The following RNF220 variants were observed in gnomAD, a reference collection of about 807,000 sequenced individuals.
The protein encoded by RNF220 is ring finger protein 220.
A neutral mutation model predicts 67.1 loss-of-function variants in RNF220; 7 were observed. The observed-to-expected ratio is 0.10, with a 90% CI of 0.06 to 0.20. The LOEUF (loss-of-function observed/expected upper bound fraction) is 0.20, where lower values mean the gene tolerates loss of function less well. Ranked by LOEUF, RNF220 falls within the 10% of genes least tolerant of loss-of-function variation. The probability of loss-of-function intolerance (pLI) is 1.00; values close to 1 mark genes in which losing one functional copy is unlikely to be tolerated. For missense variants in RNF220, 565 were observed against 740.3 expected, an observed-to-expected ratio of 0.76 and a Z score of 2.75; for synonymous variants, 270 against 283.2, an observed-to-expected ratio of 0.95 and a Z score of 0.47.
At chr1:44,414,421 T>C (rs1648316491) in intron 2 of RNF220, among the ~76,000 whole-genome samples, 1 of 152,222 alleles carries the variant, frequency 6.6e-6, no homozygotes, top group South Asian at 2.1e-4. Context: ...TTGAGATCTC[T>C]TTCTTCTTAC....
chr1:44,578,725 T>A (rs1665010945), intron 2 of RNF220, among the ~76,000 whole-genome samples: 1 of 152,192 alleles, frequency 6.6e-6, no homozygotes, highest in Admixed American at 6.5e-5. Flanking sequence ...CAGACCCTGA[T>A]AGTTTGCCAA....
At chr1:44,413,154 T>C (rs1648153621) in intron 2 of RNF220, among the ~76,000 whole-genome samples, 2 of 152,204 alleles carry the variant, frequency 1.3e-5, no homozygotes, top group Admixed American at 1.3e-4. Flanking sequence ...AGCTTTTCCA[T>C]TGTATCACAT....
chr1:44,530,552 A>G (rs1660762679), intron 2 of RNF220, among the ~76,000 whole-genome samples: 1 of 152,084 alleles, frequency 6.6e-6, no homozygotes, highest in South Asian at 2.1e-4. Flanking sequence ...AAAAAAGCAT[A>G]AAAAGAATTA....
At chr1:44,428,208 C>G (rs1002478490) in intron 2 of RNF220, among the ~76,000 whole-genome samples, 9 of 152,096 alleles carry the variant, frequency 5.9e-5, no homozygotes, top group African/African-American at 2.2e-4. Flanking sequence ...GGACAGTAAG[C>G]CAGAAGGAAT....
rs1666816916 is a variant in RNF220, at chr1:44,600,141, G to A, written c.626-14024G>A. Among the ~76,000 whole-genome samples the A allele has an allele frequency of 6.6e-6, 1 of 152,192 alleles. No homozygotes were observed. The highest frequency in any genetic ancestry group is 6.5e-5 in the Admixed American group (1 of 15,282). On this transcript the variant is annotated intron_variant, in intron 2 of 14. Coordinates refer to ENST00000361799, the MANE Select transcript of RNF220 (RefSeq NM_018150.4). This position sits in a 1 kb window ranked among gnomAD's most constrained non-coding sequence, Gnocchi z 4.0. ...GTCAATTTAGGGAGGTCTCTGGATA[G>A]TGGTACCATTCACTGAAACCAAAAG...
intron 2 of RNF220, among the ~76,000 whole-genome samples, chr1:44,422,743 A>G (rs1649368362): frequency 6.6e-6 from 1 of 152,138 alleles, no homozygotes; most frequent in Non-Finnish European, 1.5e-5. Context: ...TCCATCTTTG[A>G]TCGTGGGAAG....
At chr1:44,596,640 AT>A (rs1192433305) in intron 2 of RNF220, among the ~76,000 whole-genome samples, 1 of 152,176 alleles carries the variant, frequency 6.6e-6, no homozygotes, top group African/African-American at 2.4e-5. Context: ...CACAAAAAAA[AT>A]AAATAAAGGA....
Position 44,480,802 on chromosome 1 carries a change from C to T in RNF220, c.625+68080C>T, listed in dbSNP as rs186937395. ...TTGGGAGGCTAAAGCAGAAAAATTG[C>T]TGGAACGTGGGAGGCAGAGGTTGCA... is the stretch of plus-strand genomic sequence containing the variant. On this transcript the variant is annotated intron_variant, in intron 2 of 14. Transcript: ENST00000361799. 1.9e-3 allele frequency among the ~76,000 whole-genome samples: 282 copies of T among 152,108 alleles called. 1 individual carries two copies. The highest frequency in any genetic ancestry group is 6.5e-3 in the African/African-American group (271 of 41,504).
intron 2 of RNF220, among the ~76,000 whole-genome samples, chr1:44,500,020 C>T (rs1274410816): frequency 1.3e-5 from 2 of 151,724 alleles, no homozygotes; most frequent in African/African-American, 2.4e-5. Flanking sequence ...TGACCCTGGA[C>T]CAAGCCACTA....
chr1:44,632,290 C>T lies in RNF220; in HGVS notation c.907-53C>T. ...TGGGGCGGGGGCCAGGACTGCAGGCCGCGCCTGACGCTCTCTTTTCTTTTC... is the reference window on the plus strand; with the variant it reads ...TGGGGCGGGGGCCAGGACTGCAGGCTGCGCCTGACGCTCTCTTTTCTTTTC... On this transcript the variant is annotated intron_variant, in intron 5 of 14. Transcript: ENST00000361799. 1.9e-6 allele frequency: 3 copies of T among 1,613,906 alleles called. No individual in the cohort carries two copies. In the Admixed American group the frequency reaches 5.0e-5, roughly 27 times the overall value.
At chr1:44,518,903 CTT>C (rs1329866755) in intron 2 of RNF220, among the ~76,000 whole-genome samples, 1 of 148,990 alleles carries the variant, frequency 6.7e-6, no homozygotes, top group Non-Finnish European at 1.5e-5. Flanking sequence ...AAAAAAAAAA[CTT>C]AATCCTGATT....
intron 2 of RNF220, among the ~76,000 whole-genome samples, chr1:44,536,893 G>A (rs1005372388): frequency 4.6e-5 from 7 of 152,076 alleles, no homozygotes; most frequent in Non-Finnish European, 7.4e-5. Context: ...ACTGCACGCC[G>A]GATTAGCTTG....
intron 2 of RNF220, among the ~76,000 whole-genome samples, chr1:44,586,147 T>C (rs907265711): frequency 6.6e-6 from 1 of 152,146 alleles, no homozygotes; most frequent in African/African-American, 2.4e-5. Flanking sequence ...AGAAATGAGG[T>C]GGTGGAAAGG....
intron 2 of RNF220, among the ~76,000 whole-genome samples, chr1:44,604,977 A>G (rs1667169513): frequency 1.3e-5 from 2 of 152,216 alleles, no homozygotes; most frequent in South Asian, 2.1e-4. Context: ...GGGTCTATAC[A>G]TGTCTTACAG....
chr1:44,492,006 G>C (rs1183672574), intron 2 of RNF220, among the ~76,000 whole-genome samples: 1 of 152,082 alleles, frequency 6.6e-6, no homozygotes, highest in African/African-American at 2.4e-5. Context: ...AGTACTGGAG[G>C]TTTTAGCTAG....
At chr1:44,633,295 A>C (rs558368559) in intron 6 of RNF220, among the ~76,000 whole-genome samples, 33 of 152,336 alleles carry the variant, frequency 2.2e-4, no homozygotes, top group African/African-American at 7.2e-4. Context: ...GAGAGGTGAA[A>C]GTGGTTTGTT....
intron 2 of RNF220, among the ~76,000 whole-genome samples, chr1:44,482,426 A>G (rs12072574): frequency 0.099 from 15,093 of 152,018 alleles, 2,193 homozygotes; most frequent in African/African-American, 0.32. Flanking sequence ...CAGTCCGTTC[A>G]CCTTTTAGAT....
At chr1:44,547,551 A>G (rs1254812913) in intron 2 of RNF220, among the ~76,000 whole-genome samples, 2 of 151,418 alleles carry the variant, frequency 1.3e-5, no homozygotes, top group Non-Finnish European at 2.9e-5. Flanking sequence ...GCCACCCTAA[A>G]TAAAAGTAGG....
chr1:44,433,128 C>T (rs1650583860), intron 2 of RNF220, among the ~76,000 whole-genome samples: 1 of 152,086 alleles, frequency 6.6e-6, no homozygotes, highest in Non-Finnish European at 1.5e-5. Flanking sequence ...TGGAGTTTCA[C>T]CATGTTGGCC....
Sources: allele counts gnomAD v4.1 joint callset (sites outside exome capture counted in the v4.1 genomes callset), GRCh38; gene constraint gnomAD v4.1.1; non-coding constraint Gnocchi (gnomAD v3.1); transcripts MANE v1.5; gene names NCBI Gene and HGNC (gene_info 2026-07-23, HGNC 2026-07-21).